The following HERC4 variants were observed in gnomAD, a reference collection of about 807,000 sequenced individuals.
HERC4 encodes probable E3 ubiquitin-protein ligase HERC4.
Under a neutral mutation model 124.3 loss-of-function variants are expected in HERC4, and 28 were observed. That is an observed-to-expected ratio of 0.23 (90% confidence interval 0.17 to 0.31). The LOEUF (loss-of-function observed/expected upper bound fraction) is 0.31, where lower values mean the gene tolerates loss of function less well. Among genes scored for constraint, HERC4 ranks in the 10% least tolerant of loss-of-function variants. The pLI, the probability that HERC4 is intolerant of heterozygous loss-of-function variation, is 1.00. For missense variants in HERC4, 713 were observed against 1,229.3 expected, an observed-to-expected ratio of 0.58 and a Z score of 6.28; for synonymous variants, 407 against 421.5, an observed-to-expected ratio of 0.97 and a Z score of 0.42.
At chr10:68,056,918 G>C (rs902852958) in intron 3 of HERC4, among the ~76,000 whole-genome samples, 2 of 152,146 alleles carry the variant, frequency 1.3e-5, no homozygotes, top group African/African-American at 4.8e-5. Flanking sequence ...TACGGGAAAG[G>C]AAAAGATCCT....
intron 23 of HERC4, among the ~76,000 whole-genome samples, chr10:67,930,572 T>C (rs1016756857): frequency 2.0e-5 from 3 of 152,258 alleles, no homozygotes; most frequent in Non-Finnish European, 4.4e-5. Context: ...CCTATTAATA[T>C]GACTGACATA....
At chr10:68,059,873 A>ATT (rs1564610135) in intron 3 of HERC4, among the ~76,000 whole-genome samples, 1 of 73,536 alleles carries the variant, frequency 1.4e-5, no homozygotes, top group African/African-American at 1.4e-4. Context: ...TATATATTAT[A>ATT]ATAATATTAT....
intron 15 of HERC4, among the ~76,000 whole-genome samples, chr10:67,973,703 G>A (rs191413706): frequency 5.4e-4 from 82 of 152,190 alleles, no homozygotes; most frequent in African/African-American, 1.9e-3. Context: ...TATGGAAAAC[G>A]AGAAGAGTCA....
intron 24 of HERC4, 80 bp from the exon 25 acceptor site, chr10:67,923,219 C>T (rs147430704): frequency 1.2e-4 from 121 of 1,038,282 alleles, no homozygotes; most frequent in African/African-American, 9.9e-4. Flanking sequence ...ACAGTCGCTA[C>T]AGCAGAGCTT....
intron 9 of HERC4, chr10:67,992,978 T>A (rs1254782282): frequency 5.1e-6 from 1 of 194,452 alleles, no homozygotes; most frequent in Non-Finnish European, 1.0e-5. Context: ...ATATTTCAGT[T>A]TAAACCAAAG....
intron 9 of HERC4, among the ~76,000 whole-genome samples, chr10:67,998,400 T>A (rs936966320): frequency 2.0e-5 from 3 of 151,312 alleles, no homozygotes; most frequent in African/African-American, 7.3e-5. Flanking sequence ...ATACAAAAAT[T>A]AGCTGGGTGT....
At chr10:67,925,238 T>TATTAGCAC (rs2030764330) in intron 23 of HERC4, 51 bp from the exon 24 acceptor site, 1 of 1,000,954 alleles carries the variant, frequency 1.0e-6, no homozygotes, top group African/African-American at 1.6e-5. Context: ...CTGGCTAATA[T>TATTAGCAC]ATTAGCACAT....
At chr10:67,963,197 G>A (rs2034631497) in intron 16 of HERC4, among the ~76,000 whole-genome samples, 1 of 151,968 alleles carries the variant, frequency 6.6e-6, no homozygotes, top group African/African-American at 2.4e-5. Context: ...AACTTAATTT[G>A]CCAATTTGTA....
intron 4 of HERC4, among the ~76,000 whole-genome samples, chr10:68,041,313 T>C (rs979068291): frequency 6.6e-6 from 1 of 152,146 alleles, no homozygotes; most frequent in Non-Finnish European, 1.5e-5. Flanking sequence ...TTTTGAAAAA[T>C]TTATCTCAGA....
At chr10:67,974,303 T>C (rs1334090046) in intron 15 of HERC4, among the ~76,000 whole-genome samples, 1 of 152,046 alleles carries the variant, frequency 6.6e-6, no homozygotes, top group Non-Finnish European at 1.5e-5. Flanking sequence ...AGGAGCCAAA[T>C]GCAGACCCTA....
In HERC4 at chr10:67,941,064, G is replaced by C. The variant is rs774813765; in HGVS notation, c.2379C>G (p.Ile793Met). The change falls in exon 20 of 25, where the codon ATC (isoleucine) becomes ATG (methionine). Residue 793 changes from isoleucine to methionine, a missense_variant. Coordinates refer to ENST00000373700, the MANE Select transcript of HERC4 (RefSeq NM_015601.4). ...DSDLFHLIGV[I>M]CGLAIYNCTI... is the part of the protein sequence containing the mutation. ...TACAATTATAAATTGCTAAGCCACA[G>C]ATAACACCAATCAAATGGAACAAAT... is the stretch of plus-strand genomic sequence containing the variant. 2 of 1,603,204 alleles carry C rather than the reference G, an allele frequency of 1.2e-6. No homozygotes were observed. Among genetic ancestry groups the C allele is most frequent in the Non-Finnish European group, 1.7e-6 (2 of 1,176,226 alleles).
intron 3 of HERC4, among the ~76,000 whole-genome samples, chr10:68,059,703 T>TATATCATAATATTATATATTATAA (rs2040831545): frequency 7.1e-5 from 4 of 56,348 alleles, no homozygotes; most frequent in African/African-American, 1.3e-4. Context: ...TATTATAATA[T>TATATCATAATATTATATATTATAA]TATATATCAT....
chr10:67,998,021 C>A (rs929547565), intron 9 of HERC4, among the ~76,000 whole-genome samples: 5 of 151,978 alleles, frequency 3.3e-5, no homozygotes, highest in Non-Finnish European at 5.9e-5. Flanking sequence ...GCCTCAGCCT[C>A]TGGAGTAGCT....
rs183733164 is a variant in HERC4 at position 67,926,328 on chromosome 10, C to T, written c.2839-1141G>A. 2.0e-4 allele frequency among the ~76,000 whole-genome samples: 31 copies of T among 151,290 alleles called. No homozygotes were observed. In the South Asian group the frequency reaches 2.9e-3, roughly 14 times the overall value. Reference sequence around the variant, plus strand: ...AGGAGAATCGCTTGAACTTGGGAGACGGAGGTTGTAGTGAGCCAAGACTGT... The same window carrying T: ...AGGAGAATCGCTTGAACTTGGGAGATGGAGGTTGTAGTGAGCCAAGACTGT... On this transcript the variant is annotated intron_variant, in intron 23 of 24. Coordinates refer to ENST00000373700, the MANE Select transcript of HERC4 (RefSeq NM_015601.4).
chr10:68,033,055 A>G (rs543836396), intron 6 of HERC4, among the ~76,000 whole-genome samples, 186 bp from the exon 7 acceptor site: 11 of 152,284 alleles, frequency 7.2e-5, no homozygotes, highest in South Asian at 6.2e-4. Context: ...ATTGTGATAA[A>G]GGAGGGACTT....
intron 4 of HERC4, among the ~76,000 whole-genome samples, chr10:68,041,171 T>G (rs1188489030): frequency 6.6e-6 from 1 of 152,100 alleles, no homozygotes; most frequent in Non-Finnish European, 1.5e-5. Flanking sequence ...GTTTATATTA[T>G]GTAATTAAAC....
intron 21 of HERC4, 53 bp from the exon 22 acceptor site, chr10:67,936,288 A>C: frequency 9.8e-7 from 1 of 1,025,068 alleles, no homozygotes; most frequent in African/African-American, 1.6e-5. Flanking sequence ...AACTTATAAT[A>C]ATCTATTATT....
chr10:68,001,369 A>AT (rs34612885), intron 9 of HERC4, among the ~76,000 whole-genome samples: 21,074 of 122,716 alleles, frequency 0.17, 1,920 homozygotes, highest in Non-Finnish European at 0.26. Context: ...GAGACCTTGT[A>AT]TTTAAAAAAA....
intron 3 of HERC4, among the ~76,000 whole-genome samples, chr10:68,065,265 T>C (rs1343855871): frequency 2.6e-5 from 4 of 152,126 alleles, no homozygotes; most frequent in Admixed American, 1.3e-4. Flanking sequence ...ACCAAGAACA[T>C]GTAATACTTT....
Sources: gnomAD v4.1 joint callset for allele counts (sites outside exome capture counted in the v4.1 genomes callset) on GRCh38, gnomAD v4.1.1 for gene constraint, MANE v1.5 for transcripts, NCBI Gene and HGNC (gene_info 2026-07-23, HGNC 2026-07-21) for gene names.